Variants in ATF7 observed in about 807,000 individuals in gnomAD.
ATF7 encodes the protein cyclic AMP-dependent transcription factor ATF-7.
In ATF7, 10 loss-of-function variants were observed where a neutral mutation model predicts 50.4. That is an observed-to-expected ratio of 0.20 (90% confidence interval 0.12 to 0.34). The LOEUF is 0.34. Among genes scored for constraint, ATF7 ranks in the 10% least tolerant of loss-of-function variants. The pLI is 1.00. For missense variants in ATF7, 465 were observed against 613.9 expected, an observed-to-expected ratio of 0.76 and a Z score of 2.56; for synonymous variants, 201 against 226.4, an observed-to-expected ratio of 0.89 and a Z score of 1.01.
At chr12:53,549,551 G>GCC (rs1940190471) in intron 3 of ATF7, among the ~76,000 whole-genome samples, 1 of 151,982 alleles carries the variant, frequency 6.6e-6, no homozygotes, top group Admixed American at 6.6e-5. Context: ...TTACAGGCAT[G>GCC]CACCACCATG....
At chr12:53,534,210 G>C (rs1939083904) in intron 6 of ATF7, among the ~76,000 whole-genome samples, 1 of 152,108 alleles carries the variant, frequency 6.6e-6, no homozygotes, top group Admixed American at 6.6e-5. Flanking sequence ...CCGGGAGACG[G>C]AGCTTGCAGT....
chr12:53,514,069 G>A lies in ATF7; in HGVS notation c.*3068C>T, dbSNP rs1295823135. ...GCAAAAGAGTAAGTAAAGGGGGCAT[G>A]ACTTTTTTTTTGTTGGCCTCTCTAG... On this transcript the variant is annotated 3_prime_UTR_variant, in exon 12 of 12. Coordinates refer to ENST00000420353, the MANE Select transcript of ATF7 (RefSeq NM_006856.3). 1 of 152,150 alleles carries A rather than the reference G, an allele frequency of 6.6e-6. No individual in the cohort carries two copies. Among genetic ancestry groups the A allele is most frequent in the Non-Finnish European group, 1.5e-5 (1 of 68,036 alleles). The allele number at this position is 152,150 out of a possible 1,614,324, so 9.4% of individuals were successfully genotyped here. A position where few individuals can be genotyped will look rare whatever the true frequency, so the allele number is the denominator to read the frequency against.
At position 53,512,998 on chromosome 12, in the gene ATF7, C is replaced by G. The variant is rs1944175086; in HGVS notation, c.*4139G>C. ...AACAAGTTCCCAGATTACTGTGGCA[C>G]TGCCCTAAGGTAAAGTCAGTGAAAC... On this transcript the variant is annotated 3_prime_UTR_variant, in exon 12 of 12. Coordinates refer to ENST00000420353, the MANE Select transcript of ATF7 (RefSeq NM_006856.3). 1 of 152,176 alleles carries G rather than the reference C, an allele frequency of 6.6e-6. No homozygotes were observed. Among genetic ancestry groups the G allele is most frequent in the South Asian group, 2.1e-4 (1 of 4,828 alleles). The allele number at this position is 152,176 out of a possible 1,614,324, so 9.4% of individuals were successfully genotyped here.
intron 1 of ATF7, among the ~76,000 whole-genome samples, chr12:53,612,472 C>T (rs898820481): frequency 1.3e-5 from 2 of 152,036 alleles, no homozygotes; most frequent in African/African-American, 4.8e-5. Context: ...TGGGGTTTCA[C>T]CACATTGGCC....
downstream of ATF7, among the ~76,000 whole-genome samples, chr12:53,508,946 A>G (rs762976952): frequency 2.6e-5 from 4 of 152,166 alleles, no homozygotes; most frequent in Non-Finnish European, 4.4e-5. Flanking sequence ...CCTGGCTCTC[A>G]TATAGAGTAG....
At chr12:53,525,824 T>C (rs929493698) in intron 9 of ATF7, among the ~76,000 whole-genome samples, 2 of 152,172 alleles carry the variant, frequency 1.3e-5, no homozygotes, top group Non-Finnish European at 2.9e-5. Context: ...TTTCTTAAAA[T>C]GTAGAAAGGT....
chr12:53,587,820 C>CATATATATATATATATATATATAT (rs1242121330), intron 2 of ATF7, among the ~76,000 whole-genome samples: 81 of 66,980 alleles, frequency 1.2e-3, no homozygotes, highest in Non-Finnish European at 1.8e-3. Context: ...TATACTTCTA[C>CATATATATATATATATATATATAT]ATATATATAT....
At chr12:53,535,327 T>TAAAAAAAAAAAAAAAAAA (rs1418200711) in intron 5 of ATF7, among the ~76,000 whole-genome samples, 1 of 100,324 alleles carries the variant, frequency 1.0e-5, no homozygotes, top group Non-Finnish European at 1.8e-5. Flanking sequence ...AGACTCTGCC[T>TAAAAAAAAAAAAAAAAAA]CAAAAAAAAA....
At chr12:53,536,845 G>A (rs748244265) in intron 5 of ATF7, among the ~76,000 whole-genome samples, 4 of 151,822 alleles carry the variant, frequency 2.6e-5, no homozygotes, top group East Asian at 2.0e-4. Flanking sequence ...CCAAGATCAC[G>A]CCATTGCACT....
intron 1 of ATF7, among the ~76,000 whole-genome samples, chr12:53,604,934 A>T (rs999769369): frequency 6.6e-6 from 1 of 152,242 alleles, no homozygotes; most frequent in Non-Finnish European, 1.5e-5. Flanking sequence ...GTCATGAAAG[A>T]AATCATCATC....
At chr12:53,539,145 A>G (rs954948136) in intron 4 of ATF7, among the ~76,000 whole-genome samples, 2 of 152,256 alleles carry the variant, frequency 1.3e-5, no homozygotes, top group African/African-American at 4.8e-5. Context: ...GGATACACCA[A>G]GGAATGCCCA....
rs534875453 is a variant in ATF7, at chr12:53,612,340, G to A, written c.-21-11319C>T. Among the ~76,000 whole-genome samples, 5 of 152,144 alleles carry A rather than the reference G, an allele frequency of 3.3e-5. No individual in the cohort carries two copies. In the South Asian group the frequency reaches 1.0e-3, roughly 32 times the overall value. On this transcript the variant is annotated intron_variant, in intron 1 of 11. Coordinates refer to ENST00000420353, the MANE Select transcript of ATF7 (RefSeq NM_006856.3). ...CTTTCTCTGTCACCCAGGCTGGAGT[G>A]CAGTGGCTCGATCTCGTCTCACTGC...
chr12:53,602,399 G>A (rs1943440989), intron 1 of ATF7, among the ~76,000 whole-genome samples: 1 of 152,190 alleles, frequency 6.6e-6, no homozygotes, highest in Admixed American at 6.5e-5. Flanking sequence ...AAAACTCAGA[G>A]GGTAGCTAGG....
rs781646265 is a variant in ATF7 at position 53,523,266 on chromosome 12, T to A, written c.1234+10A>T. 1.3e-6 allele frequency: 2 copies of A among 1,571,236 alleles called. No individual in the cohort carries two copies. The highest frequency in any genetic ancestry group is 3.3e-5 in the Admixed American group (2 of 59,920). The stretch of plus-strand genomic sequence containing the variant: ...ACTGACTGACTTAGCTTAGGTTGTG[T>A]GCCACTCACCTAAATAGCCTTGAGT... On this transcript the variant is annotated intron_variant, in intron 11 of 11. Coordinates refer to ENST00000420353, the MANE Select transcript of ATF7 (RefSeq NM_006856.3).
intron 2 of ATF7, among the ~76,000 whole-genome samples, chr12:53,587,361 C>T (rs1339435827): frequency 9.1e-5 from 4 of 43,918 alleles, no homozygotes; most frequent in African/African-American, 2.0e-4. Flanking sequence ...AGCGAAATTC[C>T]GCATCAAAAA....
chr12:53,603,290 C>G (rs544079623), intron 1 of ATF7, among the ~76,000 whole-genome samples: 41 of 152,082 alleles, frequency 2.7e-4, no homozygotes, highest in African/African-American at 9.9e-4. Flanking sequence ...TGTAACTTGC[C>G]TTTGCACAAT....
intron 2 of ATF7, among the ~76,000 whole-genome samples, chr12:53,580,893 C>T (rs1354670232): frequency 6.6e-6 from 1 of 151,772 alleles, no homozygotes; most frequent in Non-Finnish European, 1.5e-5. Context: ...GGGTGGATCA[C>T]TTGAGGTCAG....
intron 2 of ATF7, among the ~76,000 whole-genome samples, chr12:53,574,027 C>T (rs1941919929): frequency 6.6e-6 from 1 of 152,150 alleles, no homozygotes; most frequent in African/African-American, 2.4e-5. Context: ...TCCTTTTACC[C>T]AGTATATCAT....
chr12:53,623,430 G>C (rs1944482953), intron 1 of ATF7, among the ~76,000 whole-genome samples: 1 of 152,176 alleles, frequency 6.6e-6, no homozygotes, highest in African/African-American at 2.4e-5. Context: ...CATTTTCTGA[G>C]AAACCAACAA....
Sources: allele counts gnomAD v4.1 joint callset (sites outside exome capture counted in the v4.1 genomes callset), GRCh38; gene constraint gnomAD v4.1.1; transcripts MANE v1.5; gene names NCBI Gene and HGNC (gene_info 2026-07-23, HGNC 2026-07-21).